FAM20C: variants seen among roughly 807,000 people sequenced by gnomAD.
The protein encoded by FAM20C is extracellular serine/threonine protein kinase FAM20C.
In FAM20C, 40 loss-of-function variants were observed where a neutral mutation model predicts 51.5. The observed-to-expected ratio is 0.78, with a 90% confidence interval of 0.60 to 1.01. FAM20C has a LOEUF of 1.01. FAM20C is among the 50% of genes least tolerant of loss of function. The pLI, the probability that FAM20C is intolerant of heterozygous loss-of-function variation, is 0.00. For synonymous variants in FAM20C, 406 were observed against 380.6 expected (o/e 1.07, Z -0.78); for missense variants, 861 against 844.7 (o/e 1.02, Z -0.24).
intron 2 of FAM20C, among the ~76,000 whole-genome samples, chr7:207,767 T>C (rs902288460): frequency 2.0e-5 from 3 of 151,996 alleles, no homozygotes; most frequent in Non-Finnish European, 2.9e-5. Flanking sequence ...CAATCTCCCA[T>C]CTCGGGCGAC....
At chr7:247,817 C>G (rs1252364716) in intron 4 of FAM20C, among the ~76,000 whole-genome samples, 1 of 152,204 alleles carries the variant, frequency 6.6e-6, no homozygotes, top group Non-Finnish European at 1.5e-5. Flanking sequence ...CGTGGTCGGG[C>G]CTTGGGTCCC....
chr7:233,216 G>T (rs1331535903), intron 3 of FAM20C, among the ~76,000 whole-genome samples: 1 of 152,216 alleles, frequency 6.6e-6, no homozygotes, highest in East Asian at 1.9e-4. Flanking sequence ...TGCACGTGTG[G>T]TGTTTGTCAC....
Position 193,401 on chromosome 7 carries a change from G to A in FAM20C, c.202G>A (p.Gly68Arg), listed in dbSNP as rs1278252934. 2.9e-6 allele frequency: 4 copies of A among 1,398,326 alleles called. No individual in the cohort carries two copies. The highest frequency in any genetic ancestry group is 3.8e-6 in the Non-Finnish European group (4 of 1,064,124). 86.6% of individuals were successfully genotyped at this position (1,398,326 alleles called of 1,614,324 possible). The change falls in exon 1 of 10, where the codon GGG becomes AGG. Residue 68 changes from glycine to arginine, a missense_variant. Gly to Arg is a moderately radical substitution (Grantham distance 125). Coordinates refer to ENST00000313766, the MANE Select transcript of FAM20C (RefSeq NM_020223.4). ...CTGGGCCCAGGTTCGGGGCCGCCCC[G>A]GGGAGCCCCCGGCCGCCTCCTCCGC... ...PGWAQVRGRPGEPPAASSAAG... is the reference protein window; with the variant it reads ...PGWAQVRGRPREPPAASSAAG...
Position 215,248 on chromosome 7 carries a change from C to G in FAM20C, c.863+6272C>G, listed in dbSNP as rs140619171. ...CCAGCTGGGGGGGGGAGCAGGGCCC[C>G]TGGTGTATGGAGAGGATGGAGCTGG... On this transcript the variant is annotated intron_variant, in intron 3 of 9. Coordinates refer to ENST00000313766, the MANE Select transcript of FAM20C (RefSeq NM_020223.4). 9.3e-3 allele frequency among the ~76,000 whole-genome samples: 1,017 copies of G among 109,764 alleles called. 7 individuals carry two copies. Among genetic ancestry groups the G allele is most frequent in the Middle Eastern group, 0.037 (8 of 216 alleles). The allele number at this position is 109,764 out of a possible 152,430, so 72.0% of individuals were successfully genotyped here. A position where few individuals can be genotyped will look rare whatever the true frequency, so the allele number is the denominator to read the frequency against.
At chr7:229,338 C>T (rs971412151) in intron 3 of FAM20C, 1 of 180,984 alleles carries the variant, frequency 5.5e-6, no homozygotes, top group Non-Finnish European at 1.2e-5. Context: ...TCCGGTCCTT[C>T]CTGGGCCCTG....
chr7:251,927 C>A (rs1027606496), intron 5 of FAM20C, among the ~76,000 whole-genome samples: 1 of 152,174 alleles, frequency 6.6e-6, no homozygotes, highest in Admixed American at 6.5e-5. Flanking sequence ...CATTGTCAGG[C>A]GCCCCTGAAC....
At chr7:250,585 T>A (rs1458905066) in intron 5 of FAM20C, among the ~76,000 whole-genome samples, 1 of 152,148 alleles carries the variant, frequency 6.6e-6, no homozygotes, top group African/African-American at 2.4e-5. Flanking sequence ...TTTAAGGGGC[T>A]GAAACTCGCC....
intron 2 of FAM20C, among the ~76,000 whole-genome samples, chr7:205,085 G>A (rs962370208): frequency 4.6e-5 from 7 of 152,232 alleles, no homozygotes; most frequent in Admixed American, 1.3e-4. Context: ...GTCACATGAG[G>A]CACCACCGTA....
intron 3 of FAM20C, among the ~76,000 whole-genome samples, chr7:214,539 G>A (rs761425640): frequency 3.7e-4 from 57 of 152,220 alleles, no homozygotes; most frequent in Non-Finnish European, 7.3e-4. Context: ...TCAGCGGAAC[G>A]GTGCGGCTTT....
At chr7:256,426 C>T (rs374955219) in intron 6 of FAM20C, 1 of 585,592 alleles carries the variant, frequency 1.7e-6, no homozygotes, top group Non-Finnish European at 3.0e-6. Context: ...ACACGGGGCC[C>T]AGAGGTGAAG....
chr7:201,296 C>T (rs1415388962), intron 2 of FAM20C, among the ~76,000 whole-genome samples: 1 of 152,250 alleles, frequency 6.6e-6, no homozygotes, highest in Non-Finnish European at 1.5e-5. Flanking sequence ...AAGGCGGCAA[C>T]ATGGGGGCCC....
chr7:207,319 G>T (rs1389315873), intron 2 of FAM20C, among the ~76,000 whole-genome samples: 34 of 97,150 alleles, frequency 3.5e-4, no homozygotes, highest in Non-Finnish European at 4.8e-4. Flanking sequence ...GTGACGCGTC[G>T]GTCACTGTCC....
chr7:195,845 A>G, intron 2 of FAM20C, 113 bp downstream of exon 2: 4 of 1,065,026 alleles, frequency 3.8e-6, no homozygotes, highest in African/African-American at 3.3e-5. Flanking sequence ...TCATTACGGC[A>G]GCGTCACCTC....
At chr7:217,766 C>T (rs1048938707) in intron 3 of FAM20C, among the ~76,000 whole-genome samples, 2 of 152,100 alleles carry the variant, frequency 1.3e-5, no homozygotes, top group African/African-American at 2.4e-5. Flanking sequence ...ACCCGGGGCC[C>T]GCGCGTCACT....
chr7:211,143 C>T (rs1408461108), intron 3 of FAM20C, among the ~76,000 whole-genome samples: 2 of 114,444 alleles, frequency 1.7e-5, no homozygotes, highest in African/African-American at 5.4e-5. Flanking sequence ...CCCCGTCAGC[C>T]TCCCCTGGGC....
chr7:206,264 C>T (rs573781487), intron 2 of FAM20C, among the ~76,000 whole-genome samples: 1 of 152,220 alleles, frequency 6.6e-6, no homozygotes, highest in Non-Finnish European at 1.5e-5. Context: ...CCGTCTCCTG[C>T]AGCTGCCGCA....
At position 203,947 on chromosome 7, in the gene FAM20C, A is replaced by G. The variant is rs1786238215; in HGVS notation, c.785-4951A>G. Reference sequence around the variant, plus strand: ...CAAATGGGGCTTAATCCGGCTACTAATTTTCTCATCGTCACTTCGTTATTA... The same window carrying G: ...CAAATGGGGCTTAATCCGGCTACTAGTTTTCTCATCGTCACTTCGTTATTA... On this transcript the variant is annotated intron_variant, in intron 2 of 9. Coordinates refer to ENST00000313766, the MANE Select transcript of FAM20C (RefSeq NM_020223.4). 2.0e-5 allele frequency among the ~76,000 whole-genome samples: 3 copies of G among 152,296 alleles called. 1 individual carries two copies. In the South Asian group the frequency reaches 6.2e-4, roughly 32 times the overall value.
chr7:202,796 G>C (rs1786195142), intron 2 of FAM20C, among the ~76,000 whole-genome samples: 3 of 152,034 alleles, frequency 2.0e-5, no homozygotes, highest in Admixed American at 2.0e-4. Flanking sequence ...GCTGCTGGGT[G>C]GGATTGCACT....
At chr7:246,558 C>T in intron 4 of FAM20C, 51 bp downstream of exon 4, 1 of 1,193,968 alleles carries the variant, frequency 8.4e-7, no homozygotes, top group Non-Finnish European at 1.1e-6. Flanking sequence ...CTCAGACCCA[C>T]CGGTGAGTGA....
Sources: allele counts gnomAD v4.1 joint callset (sites outside exome capture counted in the v4.1 genomes callset), GRCh38; gene constraint gnomAD v4.1.1; transcripts MANE v1.5; gene names NCBI Gene and HGNC (gene_info 2026-07-23, HGNC 2026-07-21).